The following BCO2 variants were observed in gnomAD, a reference collection of about 807,000 sequenced individuals.
The protein encoded by BCO2 is beta-carotene oxygenase 2, also known as carotenoid-cleaving dioxygenase, mitochondrial.
In BCO2, 56 loss-of-function variants were observed where a neutral mutation model predicts 65.8. That is an observed-to-expected ratio of 0.85 (90% CI 0.69 to 1.06). The LOEUF (loss-of-function observed/expected upper bound fraction) is 1.06. Ranked by LOEUF, BCO2 falls within the 50% of genes least tolerant of loss-of-function variation. The pLI is 0.00. For missense variants in BCO2, 675 were observed against 698.5 expected (o/e 0.97, Z 0.38); for synonymous variants, 233 against 242.3 (o/e 0.96, Z 0.36).
intron 5 of BCO2, among the ~76,000 whole-genome samples, chr11:112,196,597 C>T (rs2135374237): frequency 6.6e-6 from 1 of 152,210 alleles, no homozygotes; most frequent in Non-Finnish European, 1.5e-5. Context: ...TAGAGCTTGT[C>T]TAATATTTCT....
At chr11:112,210,696 T>TG in intron 8 of BCO2, among the ~76,000 whole-genome samples, 1 of 152,132 alleles carries the variant, frequency 6.6e-6, no homozygotes, top group East Asian at 1.9e-4. Flanking sequence ...TTCTGTATCT[T>TG]GAGTGGCGTG....
rs1226360055 is a variant in BCO2, at chr11:112,193,623, T to C, written c.443T>C (p.Leu148Pro). The change falls in exon 3 of 12, where the codon CTG (leucine) becomes CCG (proline). Residue 148 changes from leucine to proline, a missense_variant. Physicochemically the swap from Leu to Pro is moderately conservative, Grantham distance 98. Coordinates refer to ENST00000357685, the MANE Select transcript of BCO2 (RefSeq NM_031938.7). ...NRIVISEFGT[L>P]ALPDPCKNVF... The stretch of plus-strand genomic sequence containing the variant: ...ATTGTGATCTCAGAATTTGGCACAC[T>C]GGCTCTCCCGGATCCATGCAAGAAT... 2 of 1,614,184 alleles carry C rather than the reference T, an allele frequency of 1.2e-6. No homozygotes were observed. The highest frequency in any genetic ancestry group is 8.5e-7 in the Non-Finnish European group (1 of 1,180,032).
chr11:112,178,941 T>C (rs1866954968), intron 1 of BCO2, among the ~76,000 whole-genome samples: 1 of 152,230 alleles, frequency 6.6e-6, no homozygotes, highest in South Asian at 2.1e-4. Context: ...AGATTTATTC[T>C]TGTAAAAAGA....
intron 2 of BCO2, chr11:112,181,836 A>G (rs1312136577): frequency 1.3e-5 from 12 of 950,552 alleles, no homozygotes; most frequent in Non-Finnish European, 2.1e-5. Flanking sequence ...TGCACATGCA[A>G]ATCTTTGCTG....
At position 112,214,776 on chromosome 11, in the gene BCO2, T is replaced by A; in HGVS notation, c.1347T>A (p.His449Gln). Residue 449 changes from histidine (H) to glutamine (Q), a missense_variant, in exon 10 of 12, where the codon CAT becomes CAA. Physicochemically the swap from His to Gln is conservative, Grantham distance 24. Transcript: ENST00000357685. ...ATCTCTTTTAGATCTGGTGCTCTCATGAAAATCTACATCAGGAGGACCTAG... is the reference window on the plus strand; with the variant it reads ...ATCTCTTTTAGATCTGGTGCTCTCAAGAAAATCTACATCAGGAGGACCTAG... ...KQADGTIWCS[H>Q]ENLHQEDLEK... 1.2e-6 allele frequency: 2 copies of A among 1,613,378 alleles called. No homozygotes were observed. Among genetic ancestry groups the A allele is most frequent in the Non-Finnish European group, 1.7e-6 (2 of 1,179,370 alleles).
intron 8 of BCO2, chr11:112,208,673 C>T (rs1339281495): frequency 3.3e-5 from 7 of 210,954 alleles, no homozygotes; most frequent in Admixed American, 3.0e-4. Context: ...ATAAGCTTCC[C>T]TGCTGGAAGA....
At chr11:112,184,194 G>T (rs1002965022) in intron 2 of BCO2, among the ~76,000 whole-genome samples, 19 of 152,092 alleles carry the variant, frequency 1.2e-4, no homozygotes, top group Middle Eastern at 3.4e-3. Context: ...TGGTTGAGTT[G>T]TCTGCTAAAG....
intron 2 of BCO2, chr11:112,183,057 G>T: frequency 8.4e-7 from 1 of 1,186,310 alleles, no homozygotes; most frequent in Non-Finnish European, 1.3e-6. Context: ...AGCGACTCTG[G>T]CAGGAACTGA....
intron 2 of BCO2, among the ~76,000 whole-genome samples, chr11:112,183,589 T>C (rs1867118134): frequency 6.6e-6 from 1 of 152,230 alleles, no homozygotes; most frequent in African/African-American, 2.4e-5. Context: ...ATTATATTTA[T>C]TGAATACCTA....
At chr11:112,206,757 GA>G (rs1859353306) in intron 8 of BCO2, among the ~76,000 whole-genome samples, 2 of 152,010 alleles carry the variant, frequency 1.3e-5, no homozygotes, top group African/African-American at 4.8e-5. Flanking sequence ...TTTTTGCAAG[GA>G]AAAAACCTGA....
chr11:112,197,340 C>T (rs1566784169), intron 5 of BCO2, among the ~76,000 whole-genome samples: 1 of 152,074 alleles, frequency 6.6e-6, no homozygotes, highest in East Asian at 1.9e-4. Context: ...CTTGAGCTCA[C>T]GAGTTGAGAC....
At chr11:112,215,985 C>T in intron 10 of BCO2, 1 of 470,072 alleles carries the variant, frequency 2.1e-6, no homozygotes. Flanking sequence ...AGCGAGAGCT[C>T]ACTTGTCACC....
At chr11:112,188,251 T>C (rs1867263376) in intron 2 of BCO2, among the ~76,000 whole-genome samples, 1 of 152,202 alleles carries the variant, frequency 6.6e-6, no homozygotes, top group African/African-American at 2.4e-5. Flanking sequence ...GGTCCAACAT[T>C]TTGGACCCTC....
chr11:112,176,610 A>T (rs1035827670), intron 1 of BCO2, among the ~76,000 whole-genome samples: 3 of 150,734 alleles, frequency 2.0e-5, no homozygotes, highest in African/African-American at 7.3e-5. Context: ...GAGATTGCCA[A>T]GGGAGAGTGC....
chr11:112,196,091 G>A (rs971138396), intron 5 of BCO2, among the ~76,000 whole-genome samples: 12 of 152,176 alleles, frequency 7.9e-5, no homozygotes, highest in African/African-American at 2.7e-4. Flanking sequence ...CCTCTGCTGG[G>A]TGTTTCCTGG....
chr11:112,181,483 G>C (rs185592270), intron 2 of BCO2: 3 of 705,868 alleles, frequency 4.3e-6, no homozygotes, highest in African/African-American at 1.7e-5. Context: ...GCCCGGCCGA[G>C]CTTTCTTAAT....
chr11:112,194,275 T>C, intron 4 of BCO2: 1 of 423,564 alleles, frequency 2.4e-6, no homozygotes, highest in Non-Finnish European at 4.2e-6. Context: ...TGGGGTGTTC[T>C]TCCTAGCTAT....
chr11:112,202,311 C>T (rs1867758258), intron 8 of BCO2, 121 bp downstream of exon 8: 1 of 926,496 alleles, frequency 1.1e-6, no homozygotes, highest in Non-Finnish European at 1.6e-6. Flanking sequence ...GAGACTGAGT[C>T]TTGCTGTGTC....
intron 8 of BCO2, chr11:112,208,942 A>G (rs888945123): frequency 1.9e-5 from 3 of 156,420 alleles, no homozygotes; most frequent in African/African-American, 4.8e-5. Context: ...AATTACCTTT[A>G]CAATAAAGGA....
Sources: gnomAD v4.1 joint callset for allele counts (sites outside exome capture counted in the v4.1 genomes callset) on GRCh38, gnomAD v4.1.1 for gene constraint, MANE v1.5 for transcripts, NCBI Gene and HGNC (gene_info 2026-07-23, HGNC 2026-07-21) for gene names.